The following NLGN4X variants were observed in gnomAD, a reference collection of about 807,000 sequenced individuals.
NLGN4X encodes neuroligin-4, X-linked.
Under a neutral mutation model 40.3 loss-of-function variants are expected in NLGN4X, and 3 were observed. That is an observed-to-expected ratio of 0.07 (90% CI 0.03 to 0.19). The LOEUF is 0.19. Ranked by LOEUF, NLGN4X falls within the 10% of genes least tolerant of loss-of-function variation. NLGN4X has a pLI of 1.00. For missense variants in NLGN4X, 382 were observed against 708.3 expected, an observed-to-expected ratio of 0.54 and a Z score of 5.23; for synonymous variants, 270 against 306.8, an observed-to-expected ratio of 0.88 and a Z score of 1.25.
intron 2 of NLGN4X, among the ~76,000 whole-genome samples, chrX:6,058,779 G>C (rs1046904765): frequency 1.8e-5 from 2 of 111,766 alleles, no homozygotes; most frequent in Non-Finnish European, 3.8e-5. Flanking sequence ...TATGTAGATA[G>C]CCTGAAGCTC....
chrX:6,122,152 G>A (rs5916307), intron 2 of NLGN4X, among the ~76,000 whole-genome samples: 1,495 of 112,071 alleles, frequency 0.013, 15 homozygotes, highest in Middle Eastern at 0.032. Flanking sequence ...ATTAGAACTC[G>A]AGTTCCAAGG....
At chrX:5,921,436 G>GAGAGAC (rs772871804) in intron 3 of NLGN4X, among the ~76,000 whole-genome samples, 29 of 37,989 alleles carry the variant, frequency 7.6e-4, no homozygotes, top group Non-Finnish European at 1.4e-3. Context: ...AGAGAGAGAG[G>GAGAGAC]AGAGACAGAG....
intron 2 of NLGN4X, among the ~76,000 whole-genome samples, chrX:6,034,768 G>C (rs1239112763): frequency 9.2e-6 from 1 of 108,623 alleles, no homozygotes; most frequent in African/African-American, 3.4e-5. Flanking sequence ...GAGTGCAGTG[G>C]TACGATCTCG....
chrX:5,922,641 T>A (rs780757347), intron 3 of NLGN4X, among the ~76,000 whole-genome samples: 6 of 111,169 alleles, frequency 5.4e-5, no homozygotes, highest in Admixed American at 1.9e-4. Flanking sequence ...GGCAGGCGGA[T>A]CACCTGAGGT....
At chrX:6,141,791 C>A (rs960108147) in intron 2 of NLGN4X, among the ~76,000 whole-genome samples, 1 of 110,521 alleles carries the variant, frequency 9.0e-6, no homozygotes, top group African/African-American at 3.3e-5. Flanking sequence ...TGCACTCCAG[C>A]CTGGGTGACA....
intron 2 of NLGN4X, among the ~76,000 whole-genome samples, chrX:6,039,328 T>C (rs1449602889): frequency 1.8e-5 from 2 of 110,897 alleles, no homozygotes; most frequent in Non-Finnish European, 3.8e-5. Context: ...CAAAATTACC[T>C]CCAGCAACCC....
chrX:6,086,739 C>T lies in NLGN4X; in HGVS notation c.473-57307G>A, dbSNP rs765004992. 4.5e-5 allele frequency among the ~76,000 whole-genome samples: 5 copies of T among 111,463 alleles called. No individual in the cohort carries two copies. In the East Asian group the frequency reaches 1.4e-3, roughly 32 times the overall value. ...CTCAAACTCATGGGCTCATGCAACC[C>T]TCCCACCTCAGTCTTCTGAGTAGCT... On this transcript the variant is annotated intron_variant, in intron 2 of 5. Transcript: ENST00000381095.
At chrX:6,101,976 A>AT (rs1251183608) in intron 2 of NLGN4X, among the ~76,000 whole-genome samples, 1 of 109,092 alleles carries the variant, frequency 9.2e-6, no homozygotes, top group Non-Finnish European at 1.9e-5. Context: ...CACCTAGCTA[A>AT]TTTTTTTGTA....
intron 3 of NLGN4X, among the ~76,000 whole-genome samples, chrX:6,016,060 T>G (rs778685749): frequency 1.8e-5 from 2 of 111,942 alleles, no homozygotes; most frequent in South Asian, 7.5e-4. Context: ...AATGAAAAGA[T>G]AATCCAATTA....
intron 1 of NLGN4X, among the ~76,000 whole-genome samples, chrX:6,214,056 A>G (rs1924852428): frequency 8.9e-6 from 1 of 111,985 alleles, no homozygotes; most frequent in Admixed American, 9.5e-5. Context: ...GACAAACCAT[A>G]ATTAATTCTC....
At chrX:6,082,956 CTTTTTTT>C (rs1184184483) in intron 2 of NLGN4X, among the ~76,000 whole-genome samples, 2 of 45,983 alleles carry the variant, frequency 4.3e-5, no homozygotes, top group East Asian at 9.4e-4. Flanking sequence ...GCGTTTTTTT[CTTTTTTT>C]TTTTTTTTTT....
At chrX:6,035,245 G>A (rs1438901259) in intron 2 of NLGN4X, among the ~76,000 whole-genome samples, 1 of 111,321 alleles carries the variant, frequency 9.0e-6, no homozygotes, top group Non-Finnish European at 1.9e-5. Context: ...TTGTCTTTTG[G>A]TTTTCTCAAC....
intron 1 of NLGN4X, among the ~76,000 whole-genome samples, chrX:6,177,279 C>T (rs1300135208): frequency 9.0e-6 from 1 of 111,640 alleles, no homozygotes; most frequent in African/African-American, 3.3e-5. Flanking sequence ...CTGCCTCAGC[C>T]TCCTGAGTAG....
intron 1 of NLGN4X, among the ~76,000 whole-genome samples, chrX:6,200,259 G>A (rs1923469551): frequency 8.9e-6 from 1 of 112,133 alleles, no homozygotes; most frequent in Non-Finnish European, 1.9e-5. Flanking sequence ...GAGATCAGGT[G>A]AGCTCAGAGA....
chrX:6,206,318 T>C (rs1326751015), intron 1 of NLGN4X, among the ~76,000 whole-genome samples: 2 of 112,121 alleles, frequency 1.8e-5, no homozygotes, highest in East Asian at 2.8e-4. Context: ...CTATGAGTGA[T>C]ATGTTCATTA....
intron 2 of NLGN4X, among the ~76,000 whole-genome samples, chrX:6,046,096 T>C (rs5916279): frequency 0.47 from 51,493 of 110,615 alleles, 8,581 homozygotes; most frequent in Middle Eastern, 0.67. Context: ...GTTCTAGCAA[T>C]AACTCTAAGA....
chrX:5,965,957 A>C (rs2034821964), intron 3 of NLGN4X, among the ~76,000 whole-genome samples: 1 of 111,767 alleles, frequency 8.9e-6, no homozygotes, highest in Non-Finnish European at 1.9e-5. Flanking sequence ...CTGCAACTTT[A>C]ACATCATTTT....
chrX:6,196,704 T>C (rs1923124168), intron 1 of NLGN4X, among the ~76,000 whole-genome samples: 1 of 110,842 alleles, frequency 9.0e-6, no homozygotes, highest in Non-Finnish European at 1.9e-5. Context: ...AATGTTTCCA[T>C]GCATCCTGCA....
chrX:6,041,857 T>C (rs1230074088), intron 2 of NLGN4X, among the ~76,000 whole-genome samples: 3 of 112,718 alleles, frequency 2.7e-5, no homozygotes, highest in African/African-American at 9.6e-5. Flanking sequence ...TCATAACAGC[T>C]ATGACAACCA....
Sources: gnomAD v4.1 joint callset for allele counts (sites outside exome capture counted in the v4.1 genomes callset) on GRCh38, gnomAD v4.1.1 for gene constraint, MANE v1.5 for transcripts, NCBI Gene and HGNC (gene_info 2026-07-23, HGNC 2026-07-21) for gene names.